SH3BP5: variants seen among roughly 807,000 people sequenced by gnomAD.
The protein encoded by SH3BP5 is SH3 domain-binding protein 5.
In SH3BP5, 22 loss-of-function variants were observed where a neutral mutation model predicts 43.3. The observed-to-expected ratio is 0.51, with a 90% CI of 0.36 to 0.73. The LOEUF (loss-of-function observed/expected upper bound fraction) is 0.73. SH3BP5 is among the 30% of genes least tolerant of loss of function. The probability of loss-of-function intolerance (pLI) is 0.00; values close to 1 mark genes in which losing one functional copy is unlikely to be tolerated. For missense variants in SH3BP5, 529 were observed against 586.9 expected (o/e 0.90, Z 1.02); for synonymous variants, 255 against 225.8 (o/e 1.13, Z -1.16).
intron 5 of SH3BP5, 90 bp downstream of exon 5, chr3:15,262,069 G>A: frequency 6.7e-7 from 1 of 1,484,418 alleles, no homozygotes; most frequent in Non-Finnish European, 9.3e-7. Context: ...ACTACTCAGG[G>A]TGGTCCTTGA....
Position 15,330,586 on chromosome 3 carries a change from GA to G in SH3BP5, c.139-21del, listed in dbSNP as rs1447875591. ...TTCTCCCTGGTGAAGAAAAGAGGGA[GA>G]AAAAAAGACTTAAGGGATCCGTCTT... On this transcript the variant is annotated intron_variant, in intron 1 of 8. Coordinates refer to ENST00000383791, the MANE Select transcript of SH3BP5 (RefSeq NM_004844.5). 5 of 1,569,010 alleles carry G rather than the reference GA, an allele frequency of 3.2e-6. No homozygotes were observed. Among genetic ancestry groups the G allele is most frequent in the Non-Finnish European group, 4.3e-6 (5 of 1,157,862 alleles).
At chr3:15,263,873 G>GTT (rs1315638497) in intron 4 of SH3BP5, among the ~76,000 whole-genome samples, 3 of 152,320 alleles carry the variant, frequency 2.0e-5, no homozygotes, top group African/African-American at 7.2e-5. Context: ...GACAGTAGAG[G>GTT]TTAGGCTAAA....
chr3:15,296,891 C>T (rs1459364013), intron 3 of SH3BP5, among the ~76,000 whole-genome samples: 1 of 151,082 alleles, frequency 6.6e-6, no homozygotes, highest in East Asian at 1.9e-4. Context: ...GAAATGGTGT[C>T]TCACCATGTT....
At chr3:15,327,513 C>G (rs1332424361) in intron 2 of SH3BP5, among the ~76,000 whole-genome samples, 2 of 152,264 alleles carry the variant, frequency 1.3e-5, no homozygotes, top group Non-Finnish European at 2.9e-5. Flanking sequence ...TCCACCTGTT[C>G]TTCTGCAAAC....
At chr3:15,289,335 C>T (rs748986975) in intron 3 of SH3BP5, among the ~76,000 whole-genome samples, 2 of 152,210 alleles carry the variant, frequency 1.3e-5, no homozygotes, top group Non-Finnish European at 2.9e-5. Flanking sequence ...CAAGTAGACT[C>T]TTTAAAATAG....
intron 3 of SH3BP5, chr3:15,271,638 A>G (rs1032796538): frequency 1.3e-5 from 2 of 151,998 alleles, no homozygotes; most frequent in African/African-American, 4.8e-5. Context: ...AGATCACGCC[A>G]TTGCACTCCA....
chr3:15,309,970 G>A (rs1468226727), intron 2 of SH3BP5, among the ~76,000 whole-genome samples: 1 of 141,438 alleles, frequency 7.1e-6, no homozygotes, highest in Admixed American at 7.8e-5. Context: ...ACAGCTACTT[G>A]GGTAACAGTT....
upstream of SH3BP5, among the ~76,000 whole-genome samples, chr3:15,335,288 G>A (rs1698687971): frequency 6.6e-6 from 1 of 151,510 alleles, no homozygotes. Flanking sequence ...TGAGGCAGAA[G>A]AATCGCTTGA....
At chr3:15,340,214 A>T (rs1408193084) in intron 1 of SH3BP5, among the ~76,000 whole-genome samples, 2 of 152,354 alleles carry the variant, frequency 1.3e-5, no homozygotes, top group African/African-American at 4.8e-5. Flanking sequence ...AAAGGAAGCC[A>T]AAATTCCATA....
At chr3:15,334,336 C>A (rs1004693709), upstream of SH3BP5, among the ~76,000 whole-genome samples, 10 of 152,132 alleles carry the variant, frequency 6.6e-5, no homozygotes, top group African/African-American at 2.4e-4. Flanking sequence ...ATACAGTCAA[C>A]CCTCCATAGC....
At chr3:15,266,661 AACT>A (rs1696654598) in intron 4 of SH3BP5, among the ~76,000 whole-genome samples, 1 of 152,214 alleles carries the variant, frequency 6.6e-6, no homozygotes, top group Admixed American at 6.5e-5. Flanking sequence ...AAGGCTGCTC[AACT>A]ACAAGGTTGG....
intron 4 of SH3BP5, among the ~76,000 whole-genome samples, chr3:15,268,466 C>G (rs1247772265): frequency 6.6e-6 from 1 of 152,108 alleles, no homozygotes; most frequent in Non-Finnish European, 1.5e-5. Flanking sequence ...TCAGCTCACC[C>G]ACCCACCCTG....
chr3:15,284,345 A>T (rs937224743), intron 3 of SH3BP5, among the ~76,000 whole-genome samples: 14 of 152,168 alleles, frequency 9.2e-5, no homozygotes, highest in African/African-American at 3.4e-4. Flanking sequence ...GCCTCTGCAC[A>T]TGTATCCAGC....
chr3:15,336,398 C>G (rs1024134240), upstream of SH3BP5, among the ~76,000 whole-genome samples: 1 of 152,034 alleles, frequency 6.6e-6, no homozygotes, highest in African/African-American at 2.4e-5. Context: ...TGAGTGAGTG[C>G]TCCTGTAATA....
intron 3 of SH3BP5, among the ~76,000 whole-genome samples, chr3:15,284,816 G>A (rs557525227): frequency 6.6e-6 from 1 of 152,320 alleles, no homozygotes; most frequent in East Asian, 1.9e-4. Context: ...TGGCCTATGA[G>A]CCTGGGAGAG....
rs116535923 is a variant in SH3BP5, at chr3:15,304,411, G to A, written c.202-180C>T. The A allele has an allele frequency of 5.7e-3, 5,387 of 938,692 alleles. 174 individuals carry two copies. In the African/African-American group the frequency reaches 0.071, roughly 12 times the overall value. 58.1% of individuals were successfully genotyped at this position (938,692 alleles called of 1,614,324 possible). On this transcript the variant is annotated intron_variant, in intron 2 of 8. Coordinates refer to ENST00000383791, the MANE Select transcript of SH3BP5 (RefSeq NM_004844.5). The stretch of plus-strand genomic sequence containing the variant: ...GCCCAAAACAGCTTCCTGCCACGGC[G>A]GAAACGTCCTGTGCTCTGCACAGTG...
chr3:15,320,369 C>T (rs1698291568), intron 2 of SH3BP5, among the ~76,000 whole-genome samples: 1 of 152,094 alleles, frequency 6.6e-6, no homozygotes, highest in African/African-American at 2.4e-5. Flanking sequence ...TTTTTTCCAT[C>T]TTCCTTTAAG....
chr3:15,306,625 T>A (rs183447432), intron 2 of SH3BP5, among the ~76,000 whole-genome samples: 7 of 152,148 alleles, frequency 4.6e-5, no homozygotes, highest in African/African-American at 1.7e-4. Flanking sequence ...GTAAAACATG[T>A]GTTTCATTGG....
chr3:15,335,059 T>G (rs1559464717), upstream of SH3BP5, among the ~76,000 whole-genome samples: 1 of 151,972 alleles, frequency 6.6e-6, no homozygotes. Flanking sequence ...AGACGATCGC[T>G]TGAGGCCAGG....
Sources: allele counts gnomAD v4.1 joint callset (sites outside exome capture counted in the v4.1 genomes callset), GRCh38; gene constraint gnomAD v4.1.1; transcripts MANE v1.5; gene names NCBI Gene and HGNC (gene_info 2026-07-23, HGNC 2026-07-21).